SLC5A8: variants seen among roughly 807,000 people sequenced by gnomAD.
The protein encoded by SLC5A8 is solute carrier family 5 member 8.
Under a neutral mutation model 71.9 loss-of-function variants are expected in SLC5A8, and 55 were observed. The ratio of observed to expected loss-of-function variants is 0.77; its 90% CI spans 0.62 to 0.96. SLC5A8 has a LOEUF of 0.96. Among genes scored for constraint, SLC5A8 ranks in the 40% least tolerant of loss-of-function variants. The pLI is 0.00. For synonymous variants in SLC5A8, 307 were observed against 276.1 expected, an observed-to-expected ratio of 1.11 and a Z score of -1.11; for missense variants, 701 against 745.3, an observed-to-expected ratio of 0.94 and a Z score of 0.69.
At chr12:101,194,383 C>T (rs1488873889) in intron 4 of SLC5A8, among the ~76,000 whole-genome samples, 1 of 152,186 alleles carries the variant, frequency 6.6e-6, no homozygotes. Context: ...TGCCTCGGAC[C>T]AGCACACATA....
rs759090695 is a variant in SLC5A8 at position 101,155,912 on chromosome 12, A to G, written c.*1367T>C. On this transcript the variant is annotated 3_prime_UTR_variant, in exon 15 of 15. Transcript: ENST00000536262. The stretch of plus-strand genomic sequence containing the variant: ...ATAAGCATAAAATTATTTAATCATA[A>G]AAACATTTGTATGTATCTAAATATT... The G allele has an allele frequency of 1.2e-4, 18 of 151,930 alleles. No homozygotes were observed. The highest frequency in any genetic ancestry group is 4.6e-4 in the Admixed American group (7 of 15,230). The allele number at this position is 151,930 out of a possible 1,614,324, so 9.4% of individuals were successfully genotyped here.
intron 3 of SLC5A8, among the ~76,000 whole-genome samples, chr12:101,197,537 C>T (rs1229076477): frequency 1.3e-5 from 2 of 152,064 alleles, no homozygotes; most frequent in African/African-American, 2.4e-5. Context: ...TTAAATGACC[C>T]CATACAGATG....
intron 12 of SLC5A8, among the ~76,000 whole-genome samples, chr12:101,163,775 A>G (rs1431379118): frequency 1.3e-5 from 2 of 152,252 alleles, no homozygotes; most frequent in African/African-American, 4.8e-5. Flanking sequence ...CCAAAGACAG[A>G]CAAAATAGAA....
chr12:101,165,707 T>A (rs1247464633), intron 12 of SLC5A8, among the ~76,000 whole-genome samples: 1 of 152,136 alleles, frequency 6.6e-6, no homozygotes, highest in Non-Finnish European at 1.5e-5. Context: ...CAGGAGTGTG[T>A]CCATTTTAAG....
In SLC5A8 at chr12:101,193,702, T is replaced by C; in HGVS notation, c.615A>G (p.Ile205Met). 1 of 1,614,206 alleles carries C rather than the reference T, an allele frequency of 6.2e-7. No homozygotes were observed. The highest frequency in any genetic ancestry group is 2.2e-5 in the East Asian group (1 of 44,876). The change falls in exon 5 of 15, where the codon ATA (isoleucine) becomes ATG (methionine). Residue 205 changes from isoleucine to methionine, a missense_variant. By Grantham distance (10) the Ile-to-Met change is conservative. Transcript: ENST00000536262. ...TTCCACCTTGCATCACCACAGCCTGTATAATCACGGATGCAAATCCAGCCA... is the reference window on the plus strand; with the variant it reads ...TTCCACCTTGCATCACCACAGCCTGCATAATCACGGATGCAAATCCAGCCA... ...IMVAGFASVI[I>M]QAVVMQGGIS...
intron 3 of SLC5A8, among the ~76,000 whole-genome samples, chr12:101,198,921 A>G (rs1199601721): frequency 6.6e-6 from 1 of 151,984 alleles, no homozygotes; most frequent in Non-Finnish European, 1.5e-5. Flanking sequence ...TCACATTAAC[A>G]TTACAATAAG....
At chr12:101,178,682 A>G (rs2051903878) in intron 10 of SLC5A8, among the ~76,000 whole-genome samples, 1 of 152,306 alleles carries the variant, frequency 6.6e-6, no homozygotes, top group Non-Finnish European at 1.5e-5. Context: ...ACTTAAATAT[A>G]AAATGTAAAA....
chr12:101,186,219 G>A (rs1378654007), intron 7 of SLC5A8, among the ~76,000 whole-genome samples: 2 of 109,808 alleles, frequency 1.8e-5, no homozygotes, highest in Admixed American at 8.2e-5. Flanking sequence ...TATTAGAGGG[G>A]ATGTAACAAG....
chr12:101,196,664 C>G (rs1048330908), intron 3 of SLC5A8, among the ~76,000 whole-genome samples: 2 of 152,086 alleles, frequency 1.3e-5, no homozygotes, highest in Non-Finnish European at 2.9e-5. Context: ...ATATTTAACA[C>G]AGTAATTTAA....
At chr12:101,201,739 A>G (rs548345143) in intron 3 of SLC5A8, among the ~76,000 whole-genome samples, 1 of 152,224 alleles carries the variant, frequency 6.6e-6, no homozygotes, top group Admixed American at 6.5e-5. Context: ...TTTGGGCCTT[A>G]TTAGAAGTGT....
At chr12:101,190,983 AC>A (rs1868882494) in intron 5 of SLC5A8, among the ~76,000 whole-genome samples, 1 of 152,190 alleles carries the variant, frequency 6.6e-6, no homozygotes, top group South Asian at 2.1e-4. Flanking sequence ...TCCTAAGTGC[AC>A]CACAGCAGAC....
At chr12:101,166,466 T>A (rs1421961417) in intron 12 of SLC5A8, 28 bp downstream of exon 12, 1 of 1,586,968 alleles carries the variant, frequency 6.3e-7, no homozygotes, top group Non-Finnish European at 8.6e-7. Flanking sequence ...TTTTTTAAAG[T>A]ATAATGTAAT....
chr12:101,182,920 A>C lies in SLC5A8; in HGVS notation c.1053-5T>G. ...TTAATACTGGAGGACACTGTGCTGT[A>C]AGGGAAAATAAAACTTTTGATTTAT... On this transcript the variant is annotated splice_region_variant and splice_polypyrimidine_tract_variant and intron_variant, in intron 8 of 14. Coordinates refer to ENST00000536262, the MANE Select transcript of SLC5A8 (RefSeq NM_145913.5). 1 of 1,489,178 alleles carries C rather than the reference A, an allele frequency of 6.7e-7. No homozygotes were observed. Among genetic ancestry groups the C allele is most frequent in the Non-Finnish European group, 9.0e-7 (1 of 1,116,748 alleles). 92.2% of individuals were successfully genotyped at this position (1,489,178 alleles called of 1,614,324 possible). A position where few individuals can be genotyped will look rare whatever the true frequency, so the allele number is the denominator to read the frequency against.
chr12:101,167,929 A>G (rs2051788542), intron 11 of SLC5A8, among the ~76,000 whole-genome samples, 167 bp downstream of exon 11: 1 of 152,184 alleles, frequency 6.6e-6, no homozygotes, highest in East Asian at 1.9e-4. Context: ...TAGGGTCCCC[A>G]TACATAGTAC....
chr12:101,181,122 T>C (rs1566314021), intron 9 of SLC5A8, among the ~76,000 whole-genome samples: 1 of 152,224 alleles, frequency 6.6e-6, no homozygotes, highest in Non-Finnish European at 1.5e-5. Context: ...AAAATTTTTG[T>C]ATTCCTTATG....
intron 12 of SLC5A8, among the ~76,000 whole-genome samples, chr12:101,163,751 A>G (rs1443673874): frequency 6.6e-6 from 1 of 152,228 alleles, no homozygotes; most frequent in Non-Finnish European, 1.5e-5. Context: ...AAATTAAGAG[A>G]GTGTGATATT....
At chr12:101,207,790 A>T (rs1379998931) in intron 1 of SLC5A8, among the ~76,000 whole-genome samples, 1 of 152,082 alleles carries the variant, frequency 6.6e-6, no homozygotes, top group Non-Finnish European at 1.5e-5. Context: ...CCTCCCACCC[A>T]CTAAGATATA....
rs780465977 is a variant in SLC5A8 at position 101,180,053 on chromosome 12, C to T, written c.1209G>A (p.Ala403=). The T allele has an allele frequency of 2.2e-5, 36 of 1,613,872 alleles. No individual in the cohort carries two copies. The East Asian group carries it at 4.0e-4, about 18-fold the overall frequency. Residue 403 remains alanine (A), a synonymous_variant, in exon 10 of 15, where the codon GCG becomes GCA. Coordinates refer to ENST00000536262, the MANE Select transcript of SLC5A8 (RefSeq NM_145913.5). ...GALCIGMAAL[A]SLMGALLQAA... ...CCTGCAACAAAGCTCCCATAAGTGACGCCAGCGCAGCCATTCCAATACACA... is the reference window on the plus strand; with the variant it reads ...CCTGCAACAAAGCTCCCATAAGTGATGCCAGCGCAGCCATTCCAATACACA...
chr12:101,209,959 C>G lies in SLC5A8; in HGVS notation c.-111G>C. 2 of 1,037,452 alleles carry G rather than the reference C, an allele frequency of 1.9e-6. No homozygotes were observed. The highest frequency in any genetic ancestry group is 2.7e-6 in the Non-Finnish European group (2 of 753,928). 64.3% of individuals were successfully genotyped at this position (1,037,452 alleles called of 1,614,324 possible). The stretch of plus-strand genomic sequence containing the variant: ...TCCCTGGCGCGCAGGCGTGGCGTCC[C>G]GCGGGGACTGGAGGCGTCCTCCAGG... On this transcript the variant is annotated 5_prime_UTR_variant, in exon 1 of 15. Coordinates refer to ENST00000536262, the MANE Select transcript of SLC5A8 (RefSeq NM_145913.5).
Sources: gnomAD v4.1 joint callset for allele counts (sites outside exome capture counted in the v4.1 genomes callset) on GRCh38, gnomAD v4.1.1 for gene constraint, MANE v1.5 for transcripts, NCBI Gene and HGNC (gene_info 2026-07-23, HGNC 2026-07-21) for gene names.